MED12L: variants seen among roughly 807,000 people sequenced by gnomAD.
The protein encoded by MED12L is mediator of RNA polymerase II transcription subunit 12-like protein.
MED12L carries 60 observed loss-of-function variants against 281.3 expected under a neutral mutation model. The observed-to-expected ratio is 0.21, with a 90% CI of 0.17 to 0.26. The LOEUF is 0.26. Among genes scored for constraint, MED12L ranks in the 10% least tolerant of loss-of-function variants. The pLI, the probability that MED12L is intolerant of heterozygous loss-of-function variation, is 1.00. For synonymous variants in MED12L, 974 were observed against 987.2 expected (o/e 0.99, Z 0.25); for missense variants, 2,146 against 2,680.9 (o/e 0.80, Z 4.41).
intron 38 of MED12L, among the ~76,000 whole-genome samples, chr3:151,390,696 A>G (rs936923488): frequency 1.3e-5 from 2 of 152,356 alleles, no homozygotes; most frequent in Admixed American, 1.3e-4. Context: ...TCTATATGAA[A>G]CATTGCATGT....
intron 16 of MED12L, 188 bp downstream of exon 16, chr3:151,193,854 GAT>G: frequency 2.2e-6 from 1 of 454,420 alleles, no homozygotes. Context: ...AATTTGTAGT[GAT>G]ATTAGTGGCT....
chr3:151,384,006 C>A, intron 34 of MED12L, 77 bp from the exon 35 acceptor site: 2 of 1,518,140 alleles, frequency 1.3e-6, no homozygotes, highest in Non-Finnish European at 9.0e-7. Flanking sequence ...AAATTCTGTG[C>A]CTTGAATAAA....
At position 151,401,280 on chromosome 3, in the gene MED12L, T is replaced by G. The variant is rs1400203103; in HGVS notation, c.5820+6413T>G. 3.0e-5 allele frequency among the ~76,000 whole-genome samples: 4 copies of G among 135,532 alleles called. No individual in the cohort carries two copies. In the East Asian group the frequency reaches 7.9e-4, roughly 27 times the overall value. 88.9% of individuals were successfully genotyped at this position (135,532 alleles called of 152,430 possible). ...ATTTAATTTATTCAGTTTTTTTGTT[T>G]GTTTTTTTTTTTAACTGTTAACTGT... On this transcript the variant is annotated intron_variant, in intron 39 of 44. Transcript: ENST00000687756.
At chr3:151,390,414 T>C (rs1190154932) in intron 38 of MED12L, among the ~76,000 whole-genome samples, 1 of 152,272 alleles carries the variant, frequency 6.6e-6, no homozygotes, top group Non-Finnish European at 1.5e-5. Flanking sequence ...AACGGTTTTA[T>C]GTTATAAAAT....
chr3:151,239,420 C>A (rs896912016), intron 16 of MED12L, among the ~76,000 whole-genome samples: 3 of 152,102 alleles, frequency 2.0e-5, no homozygotes, highest in South Asian at 2.1e-4. Flanking sequence ...TACTTTTAAC[C>A]TAAACATTTT....
At chr3:151,125,450 G>C (rs1295899077) in intron 4 of MED12L, among the ~76,000 whole-genome samples, 5 of 152,180 alleles carry the variant, frequency 3.3e-5, no homozygotes, top group Non-Finnish European at 5.9e-5. Context: ...CACAAATTCA[G>C]ATGTTTTATT....
chr3:151,123,979 T>C (rs1323829067), intron 4 of MED12L, among the ~76,000 whole-genome samples: 3 of 152,236 alleles, frequency 2.0e-5, no homozygotes, highest in African/African-American at 7.2e-5. Context: ...ATTCAGTTAG[T>C]ACCACTGTCT....
At chr3:151,230,509 G>A (rs766437877) in intron 16 of MED12L, among the ~76,000 whole-genome samples, 1 of 150,842 alleles carries the variant, frequency 6.6e-6, no homozygotes, top group African/African-American at 2.4e-5. Context: ...ACTACACTTT[G>A]ATGCTCATTG....
At chr3:151,326,352 T>C (rs180809596) in intron 16 of MED12L, 6 of 152,718 alleles carry the variant, frequency 3.9e-5, no homozygotes, top group Admixed American at 6.5e-5. Context: ...AATGAAACAA[T>C]CTCTCCTTTC....
intron 41 of MED12L, 35 bp from the exon 42 acceptor site, chr3:151,413,104 T>A: frequency 6.3e-7 from 1 of 1,592,750 alleles, no homozygotes; most frequent in South Asian, 1.1e-5. Flanking sequence ...GACATTATGC[T>A]TGGGCCTGAA....
intron 16 of MED12L, among the ~76,000 whole-genome samples, chr3:151,348,045 A>G (rs1752744921): frequency 6.6e-6 from 1 of 152,162 alleles, no homozygotes; most frequent in Non-Finnish European, 1.5e-5. Flanking sequence ...GTCTGTAAAT[A>G]CTACTTTGAT....
rs1176157292 is a variant in MED12L at position 151,198,332 on chromosome 3, G to GT, written c.2250+4675dup. 3.2e-3 allele frequency: 2,736 copies of GT among 864,360 alleles called. 22 individuals are homozygous for GT. Among genetic ancestry groups the GT allele is most frequent in the African/African-American group, 5.2e-3 (207 of 39,478 alleles). 53.5% of individuals were successfully genotyped at this position (864,360 alleles called of 1,614,324 possible). A position where few individuals can be genotyped will look rare whatever the true frequency, so the allele number is the denominator to read the frequency against. ...AGCTAACTGTATTTTTTCATACTGA[G>GT]TTTTTTTTTGTTTTTTTTTTTTTTA... On this transcript the variant is annotated intron_variant, in intron 16 of 44. Transcript: ENST00000687756.
rs780395974 is a variant in MED12L, at chr3:151,127,837, A to C, written c.409A>C (p.Ser137Arg). ...TGTTTCTTTTTAGGTTCCTATCCTT[A>C]GTAAAAAAGAGGATGTTTTTGCATA... ...SILAKKVPIL[S>R]KKEDVFAYLA... The change falls in exon 5 of 45, where the codon AGT becomes CGT. Residue 137 changes from serine to arginine, a missense_variant. By Grantham distance (110) the Ser-to-Arg change is moderately radical (BLOSUM62 -1). Transcript: ENST00000687756. 1 of 1,607,282 alleles carries C rather than the reference A, an allele frequency of 6.2e-7. No individual in the cohort carries two copies. Among genetic ancestry groups the C allele is most frequent in the Non-Finnish European group, 8.5e-7 (1 of 1,174,206 alleles).
At chr3:151,218,866 CAAAAAAAAAAAAAAAAAAA>C (rs397686351) in intron 16 of MED12L, among the ~76,000 whole-genome samples, 3 of 71,334 alleles carry the variant, frequency 4.2e-5, no homozygotes, top group African/African-American at 1.3e-4. Flanking sequence ...GACTCAGTCT[CAAAAAAAAAAAAAAAAAAA>C]AAAAAAAAAA....
At chr3:151,206,100 A>G (rs1366324095) in intron 16 of MED12L, among the ~76,000 whole-genome samples, 1 of 145,416 alleles carries the variant, frequency 6.9e-6, no homozygotes, top group Admixed American at 6.9e-5. Flanking sequence ...TTTGCACATA[A>G]TATTCTTTCC....
intron 16 of MED12L, chr3:151,214,458 T>A (rs1412898022): frequency 1.6e-6 from 1 of 641,866 alleles, no homozygotes; most frequent in East Asian, 2.6e-5. Context: ...TGAAGCCACC[T>A]TTTTACTCTG....
intron 36 of MED12L, among the ~76,000 whole-genome samples, chr3:151,385,518 G>A (rs529224865): frequency 6.6e-6 from 1 of 152,184 alleles, no homozygotes; most frequent in East Asian, 1.9e-4. Context: ...TTCAGATTTA[G>A]AAGCAGAATA....
At chr3:151,391,047 G>T (rs973931232) in intron 38 of MED12L, among the ~76,000 whole-genome samples, 3 of 152,152 alleles carry the variant, frequency 2.0e-5, no homozygotes, top group African/African-American at 7.2e-5. Context: ...TTCCCATAGG[G>T]TGGGTGATTC....
chr3:151,300,116 C>G, intron 16 of MED12L: 1 of 1,594,556 alleles, frequency 6.3e-7, no homozygotes, highest in Non-Finnish European at 8.6e-7. Flanking sequence ...AGTTGTGATG[C>G]ACTGTAAGCA....
Sources: allele counts gnomAD v4.1 joint callset (sites outside exome capture counted in the v4.1 genomes callset), GRCh38; gene constraint gnomAD v4.1.1; transcripts MANE v1.5; gene names NCBI Gene and HGNC (gene_info 2026-07-23, HGNC 2026-07-21).